The following INPP5J variants were observed in gnomAD, a reference collection of about 807,000 sequenced individuals.
INPP5J encodes phosphatidylinositol 4,5-bisphosphate 5-phosphatase A.
A neutral mutation model predicts 86.6 loss-of-function variants in INPP5J; 75 were observed. The ratio of observed to expected loss-of-function variants is 0.87; its 90% CI spans 0.72 to 1.05. INPP5J has a LOEUF of 1.05. INPP5J is among the 50% of genes least tolerant of loss of function. INPP5J has a pLI of 0.00. For missense variants in INPP5J, 1,229 were observed against 1,341.2 expected (o/e 0.92, Z 1.31); for synonymous variants, 540 against 550.0 (o/e 0.98, Z 0.25).
intron 9 of INPP5J, among the ~76,000 whole-genome samples, chr22:31,132,738 C>T (rs1409250962): frequency 8.5e-6 from 1 of 118,084 alleles, no homozygotes; most frequent in Admixed American, 9.1e-5. Context: ...GACTCCATCT[C>T]AGAAAAAGAA....
chr22:31,128,163 C>A, intron 7 of INPP5J, 51 bp from the exon 8 acceptor site: 1 of 1,470,526 alleles, frequency 6.8e-7, no homozygotes, highest in Non-Finnish European at 9.4e-7. Flanking sequence ...CCTCCCTGGG[C>A]ACAGCAGAGC....
chr22:31,128,249 G>A lies in INPP5J; in HGVS notation c.1935G>A (p.Lys645=). ...CCAAGAACACCTGGCCCATTCTGAAGGGCTTTCAGGAGGGGCCCCTCAACT... is the reference window on the plus strand; with the variant it reads ...CCAAGAACACCTGGCCCATTCTGAAAGGCTTTCAGGAGGGGCCCCTCAACT... ...NMAKNTWPIL[K]GFQEGPLNFA... The change falls in exon 8 of 13, where the codon AAG becomes AAA. Residue 645 remains lysine (K), a synonymous_variant. Transcript: ENST00000331075. 1 of 1,600,360 alleles carries A rather than the reference G, an allele frequency of 6.2e-7. No individual in the cohort carries two copies. The highest frequency in any genetic ancestry group is 8.5e-7 in the Non-Finnish European group (1 of 1,173,454).
chr22:31,128,274 T>C lies in INPP5J; in HGVS notation c.1960T>C (p.Phe654Leu). ...LKGFQEGPLN[F>L]APTFKFDVGT... ...GGGCTTTCAGGAGGGGCCCCTCAAC[T>C]TCGCTCCCACCTTCAAGTTTGATGT... is the stretch of plus-strand genomic sequence containing the variant. Residue 654 changes from phenylalanine (F) to leucine (L), a missense_variant, in exon 8 of 13, where the codon TTC (phenylalanine) becomes CTC (leucine). Phe to Leu is a conservative substitution (Grantham distance 22). Transcript: ENST00000331075. 6.2e-7 allele frequency: 1 copy of C among 1,601,040 alleles called. No homozygotes were observed. Among genetic ancestry groups the C allele is most frequent in the Non-Finnish European group, 8.5e-7 (1 of 1,173,866 alleles).
intron 2 of INPP5J, 102 bp from the exon 3 acceptor site, chr22:31,126,274 C>A: frequency 1.9e-6 from 2 of 1,037,168 alleles, no homozygotes; most frequent in Non-Finnish European, 2.9e-6. Flanking sequence ...GGGCTTTGGC[C>A]CACACCTGCC....
At chr22:31,123,301 G>A (rs765360118) in intron 1 of INPP5J, among the ~76,000 whole-genome samples, 182 bp downstream of exon 1, 1 of 152,108 alleles carries the variant, frequency 6.6e-6, no homozygotes, top group Non-Finnish European at 1.5e-5. Context: ...CAGGATGCCC[G>A]GAGACAGATG....
Position 31,133,610 on chromosome 22 carries a change from G to A in INPP5J, c.2410G>A (p.Val804Ile), listed in dbSNP as rs775058986. The change falls in exon 12 of 13, where the codon GTA becomes ATA. Residue 804 changes from valine (V) to isoleucine (I), a missense_variant and splice_region_variant. Val to Ile is a conservative substitution (Grantham distance 29). Coordinates refer to ENST00000331075, the MANE Select transcript of INPP5J (RefSeq NM_001284285.2). ...HEDVDGNTYQ[V>I]TFSEESLPKG... ...AGGCTTATACCCCTGGGCCTACCAG[G>A]TAACATTCAGTGAGGAATCACTGCC... The A allele has an allele frequency of 3.7e-6, 6 of 1,609,770 alleles. No individual in the cohort carries two copies. The African/African-American group carries it at 5.3e-5, about 14-fold the overall frequency.
chr22:31,134,639 C>A lies in INPP5J; in HGVS notation c.*220C>A. The stretch of plus-strand genomic sequence containing the variant: ...GCCCCCATCTGGGATGATGGGAGAG[C>A]TCTGGCAGATGTCCCAATCCTGGAG... On this transcript the variant is annotated 3_prime_UTR_variant, in exon 13 of 13. Coordinates refer to ENST00000331075, the MANE Select transcript of INPP5J (RefSeq NM_001284285.2). The A allele has an allele frequency of 4.6e-6, 2 of 431,148 alleles. No homozygotes were observed. The highest frequency in any genetic ancestry group is 4.0e-6 in the Non-Finnish European group (1 of 247,710). 26.7% of individuals were successfully genotyped at this position (431,148 alleles called of 1,614,324 possible).
chr22:31,133,751 A>G lies in INPP5J; in HGVS notation c.2514+37A>G, dbSNP rs759757633. On this transcript the variant is annotated intron_variant, in intron 12 of 12. Transcript: ENST00000331075. ...AGACTGCTGGGCTGGGGGTGCCTAA[A>G]GACTTTTGTCAAATGCCACAGCCTC... 3.2e-6 allele frequency: 5 copies of G among 1,585,818 alleles called. 1 individual carries two copies. The South Asian group carries it at 4.5e-5, about 14-fold the overall frequency.
chr22:31,133,457 G>A lies in INPP5J; in HGVS notation c.2383G>A (p.Glu795Lys). The A allele has an allele frequency of 1.2e-6, 2 of 1,613,900 alleles. No individual in the cohort carries two copies. The highest frequency in any genetic ancestry group is 1.7e-6 in the Non-Finnish European group (2 of 1,179,836). Residue 795 changes from glutamate to lysine, a missense_variant, in exon 11 of 13, where the codon GAA (glutamate) becomes AAA (lysine). Physicochemically the swap from Glu to Lys is moderately conservative, Grantham distance 56. Coordinates refer to ENST00000331075, the MANE Select transcript of INPP5J (RefSeq NM_001284285.2). ...DYVAYVWAKH[E>K]DVDGNTYQVT... ...TGTGGCTTATGTCTGGGCCAAACAT[G>A]AAGATGTGGATGGGAATACCTACCA...
Position 31,125,457 on chromosome 22 carries a change from G to A in INPP5J, c.718G>A (p.Ala240Thr). The change falls in exon 2 of 13, where the codon GCC becomes ACC. Residue 240 changes from alanine (A) to threonine (T), a missense_variant. Coordinates refer to ENST00000331075, the MANE Select transcript of INPP5J (RefSeq NM_001284285.2). ...ACAGACATCAGCTAGAAAGAGGGAT[G>A]CCCCAGCCCCTAGACCTCTCCCTGC... ...VGQTSARKRD[A>T]PAPRPLPASE... 1 of 1,550,646 alleles carries A rather than the reference G, an allele frequency of 6.4e-7. No homozygotes were observed. Among genetic ancestry groups the A allele is most frequent in the Non-Finnish European group, 8.7e-7 (1 of 1,147,006 alleles).
In INPP5J at chr22:31,134,467, C is replaced by A. The variant is rs767623519; in HGVS notation, c.*48C>A. 32 of 1,421,180 alleles carry A rather than the reference C, an allele frequency of 2.3e-5. No homozygotes were observed. The South Asian group carries it at 4.8e-4, about 21-fold the overall frequency. The allele number at this position is 1,421,180 out of a possible 1,614,324, so 88.0% of individuals were successfully genotyped here. On this transcript the variant is annotated 3_prime_UTR_variant, in exon 13 of 13. Coordinates refer to ENST00000331075, the MANE Select transcript of INPP5J (RefSeq NM_001284285.2). Reference sequence around the variant, plus strand: ...AAGGTGACCACCATTCTGCCTCAATCTTTTGCAAGCCCACCTGCCTCTCTC... The same window carrying A: ...AAGGTGACCACCATTCTGCCTCAATATTTTGCAAGCCCACCTGCCTCTCTC...
chr22:31,126,361 T>C lies in INPP5J; in HGVS notation c.1272-15T>C. ...GTGGTGCCAGGACTACACCCTCATA[T>C]GCCCCTGCCCTCAGGATCACTGTGG... On this transcript the variant is annotated splice_polypyrimidine_tract_variant and intron_variant, in intron 2 of 12. Transcript: ENST00000331075. The C allele has an allele frequency of 6.3e-7, 1 of 1,598,440 alleles. No homozygotes were observed. Among genetic ancestry groups the C allele is most frequent in the Non-Finnish European group, 8.6e-7 (1 of 1,166,778 alleles).
chr22:31,127,506 G>A lies in INPP5J; in HGVS notation c.1761G>A (p.Pro587=), dbSNP rs150180341. 27 of 1,613,578 alleles carry A rather than the reference G, an allele frequency of 1.7e-5. No individual in the cohort carries two copies. The highest frequency in any genetic ancestry group is 1.2e-4 in the Admixed American group (7 of 59,994). ...TILSLQQFQG[P]GAQGILDHDL... The stretch of plus-strand genomic sequence containing the variant: ...TCAGCCTCCAGCAGTTCCAAGGGCC[G>A]GGCGCACAGGGCATCCTGGATCATG... The change falls in exon 6 of 13, where the codon CCG becomes CCA. Residue 587 remains proline, a synonymous_variant. Transcript: ENST00000331075.
intron 6 of INPP5J, 63 bp from the exon 7 acceptor site, chr22:31,127,888 T>C (rs2147876507): frequency 1.0e-6 from 1 of 970,184 alleles, no homozygotes; most frequent in Non-Finnish European, 1.6e-6. Context: ...GCCCTTATCC[T>C]CCATGGACCT....
chr22:31,123,177 C>A (rs1487137054), intron 1 of INPP5J, 58 bp downstream of exon 1: 6 of 1,053,256 alleles, frequency 5.7e-6, no homozygotes, highest in Non-Finnish European at 7.9e-6. Flanking sequence ...CCACACACCC[C>A]CCCCACATAC....
In INPP5J at chr22:31,128,560, G is replaced by A; in HGVS notation, c.2099G>A (p.Ser700Asn). The change falls in exon 9 of 13, where the codon AGC becomes AAC. Residue 700 changes from serine to asparagine, a missense_variant. Physicochemically the swap from Ser to Asn is conservative, Grantham distance 46. Coordinates refer to ENST00000331075, the MANE Select transcript of INPP5J (RefSeq NM_001284285.2). Reference protein sequence around the residue: ...GGGPSPSGRKSHRLQVTQHSY... With the variant: ...GGGPSPSGRKNHRLQVTQHSY... ...GGTCCCAGCCCCTCAGGACGGAAGAGCCACCGACTCCAGGTGACGCAGCAC... is the reference window on the plus strand; with the variant it reads ...GGTCCCAGCCCCTCAGGACGGAAGAACCACCGACTCCAGGTGACGCAGCAC... 1 of 1,613,402 alleles carries A rather than the reference G, an allele frequency of 6.2e-7. No homozygotes were observed. Among genetic ancestry groups the A allele is most frequent in the Non-Finnish European group, 8.5e-7 (1 of 1,179,808 alleles).
At position 31,123,049 on chromosome 22, in the gene INPP5J, C is replaced by G; in HGVS notation, c.35C>G (p.Pro12Arg). The G allele has an allele frequency of 6.8e-7, 1 of 1,479,022 alleles. No homozygotes were observed. Among genetic ancestry groups the G allele is most frequent in the South Asian group, 1.3e-5 (1 of 74,850 alleles). 91.6% of individuals were successfully genotyped at this position (1,479,022 alleles called of 1,614,324 possible). A position where few individuals can be genotyped will look rare whatever the true frequency, so the allele number is the denominator to read the frequency against. The change falls in exon 1 of 13, where the codon CCA becomes CGA. Residue 12 changes from proline (P) to arginine (R), a missense_variant. By Grantham distance (103) the Pro-to-Arg change is moderately radical. Coordinates refer to ENST00000331075, the MANE Select transcript of INPP5J (RefSeq NM_001284285.2). ...CAGAGCAGCAGGGGCAGCAGGAGGC[C>G]AGGGACCCGGGCTGGCCTGGGTTCC... ...EGQSSRGSRR[P>R]GTRAGLGSLP...
chr22:31,128,268 C>T lies in INPP5J; in HGVS notation c.1954C>T (p.Leu652Phe), dbSNP rs1440019850. The T allele has an allele frequency of 6.2e-7, 1 of 1,601,120 alleles. No individual in the cohort carries two copies. The highest frequency in any genetic ancestry group is 2.3e-5 in the East Asian group (1 of 44,392). ...PILKGFQEGP[L>F]NFAPTFKFDV... Reference sequence around the variant, plus strand: ...TCTGAAGGGCTTTCAGGAGGGGCCCCTCAACTTCGCTCCCACCTTCAAGTT... The same window carrying T: ...TCTGAAGGGCTTTCAGGAGGGGCCCTTCAACTTCGCTCCCACCTTCAAGTT... The change falls in exon 8 of 13, where the codon CTC becomes TTC. Residue 652 changes from leucine (L) to phenylalanine (F), a missense_variant. By Grantham distance (22) the Leu-to-Phe change is conservative. Coordinates refer to ENST00000331075, the MANE Select transcript of INPP5J (RefSeq NM_001284285.2).
At position 31,127,987 on chromosome 22, in the gene INPP5J, T is replaced by C. The variant is rs200711112; in HGVS notation, c.1824T>C (p.Ile608=). 2.0e-4 allele frequency: 316 copies of C among 1,605,012 alleles called. No homozygotes were observed. The highest frequency in any genetic ancestry group is 4.5e-4 in the Admixed American group (27 of 59,560). The change falls in exon 7 of 13, where the codon ATT becomes ATC. Residue 608 remains isoleucine (I), a synonymous_variant. Transcript: ENST00000331075. ...VFWFGDLNFR[I]ESYDLHFVKF... ...GGTTCGGGGACCTGAACTTCCGCAT[T>C]GAGAGCTATGACCTGCACTTTGTCA...
Sources: allele counts gnomAD v4.1 joint callset (sites outside exome capture counted in the v4.1 genomes callset), GRCh38; gene constraint gnomAD v4.1.1; transcripts MANE v1.5; gene names NCBI Gene and HGNC (gene_info 2026-07-23, HGNC 2026-07-21).